Variants in OSBPL8 observed in about 807,000 individuals in gnomAD.
OSBPL8 encodes the protein oxysterol binding protein like 8.
In OSBPL8, 59 loss-of-function variants were observed where a neutral mutation model predicts 125.5. The observed-to-expected ratio is 0.47, with a 90% confidence interval of 0.38 to 0.58. The LOEUF (loss-of-function observed/expected upper bound fraction) is 0.58, where lower values mean the gene tolerates loss of function less well. Among genes scored for constraint, OSBPL8 ranks in the 20% least tolerant of loss-of-function variants. OSBPL8 has a pLI of 0.00. For missense variants in OSBPL8, 758 were observed against 1,047.8 expected, an observed-to-expected ratio of 0.72 and a Z score of 3.82; for synonymous variants, 330 against 338.9, an observed-to-expected ratio of 0.97 and a Z score of 0.29.
At chr12:76,433,497 G>A (rs1005797223) in intron 4 of OSBPL8, among the ~76,000 whole-genome samples, 1 of 151,674 alleles carries the variant, frequency 6.6e-6, no homozygotes, top group East Asian at 1.9e-4. Flanking sequence ...AACAAAAAGA[G>A]GTGAAAGATT....
At position 76,410,474 on chromosome 12, in the gene OSBPL8, C is replaced by T. The variant is rs946707560; in HGVS notation, c.288+90G>A. On this transcript the variant is annotated intron_variant, in intron 5 of 23. Transcript: ENST00000261183. ...CAGATGTATCAACATAAAAACATCA[C>T]AAAAAAGCTTCATAGGATTTCAGTG... The T allele has an allele frequency of 1.9e-4, 180 of 966,028 alleles. No homozygotes were observed. In the Middle Eastern group the frequency reaches 3.1e-3, roughly 16 times the overall value. 59.8% of individuals were successfully genotyped at this position (966,028 alleles called of 1,614,324 possible).
intron 15 of OSBPL8, among the ~76,000 whole-genome samples, chr12:76,379,889 TG>T (rs2136236752): frequency 6.6e-6 from 1 of 152,334 alleles, no homozygotes; most frequent in Admixed American, 6.5e-5. Flanking sequence ...GTGGAATTTC[TG>T]AGTTCATGGT....
chr12:76,484,975 C>T (rs1291327644), intron 2 of OSBPL8, among the ~76,000 whole-genome samples: 1 of 152,024 alleles, frequency 6.6e-6, no homozygotes, highest in African/African-American at 2.4e-5. Context: ...GGCTAGAGTG[C>T]AGTGGCGCGA....
intron 1 of OSBPL8, among the ~76,000 whole-genome samples, chr12:76,501,646 G>C (rs1351314875): frequency 6.6e-6 from 1 of 152,224 alleles, no homozygotes; most frequent in Non-Finnish European, 1.5e-5. Context: ...CATGGTGACA[G>C]GGATGGAGGT....
intron 4 of OSBPL8, among the ~76,000 whole-genome samples, chr12:76,432,857 T>C (rs573798321): frequency 4.1e-4 from 62 of 152,286 alleles, no homozygotes; most frequent in African/African-American, 1.2e-3. Context: ...TGATGTATAC[T>C]TAATAAAATA....
chr12:76,538,570 C>T (rs1950559012), intron 1 of OSBPL8, among the ~76,000 whole-genome samples: 1 of 152,004 alleles, frequency 6.6e-6, no homozygotes, highest in African/African-American at 2.4e-5. Context: ...GAGAGCAAGC[C>T]CTTTAAGTAT....
intron 2 of OSBPL8, among the ~76,000 whole-genome samples, chr12:76,479,501 G>A (rs1011794118): frequency 5.3e-5 from 8 of 151,954 alleles, no homozygotes; most frequent in African/African-American, 9.7e-5. Flanking sequence ...TACCACTATC[G>A]AAATAACAGA....
chr12:76,381,442 G>T lies in OSBPL8; in HGVS notation c.1630+2812C>A, dbSNP rs145780669. 1.1e-4 allele frequency among the ~76,000 whole-genome samples: 16 copies of T among 152,126 alleles called. No individual in the cohort carries two copies. In the East Asian group the frequency reaches 3.1e-3, roughly 29 times the overall value. On this transcript the variant is annotated intron_variant, in intron 15 of 23. Coordinates refer to ENST00000261183, the MANE Select transcript of OSBPL8 (RefSeq NM_020841.5). ...ATTACAATTTTACACCACTTCTTGG[G>T]TCAGCTGTGGTAATTTGTGTCTCTT...
Position 76,367,229 on chromosome 12 carries a change from G to GGTGTGTGTGT in OSBPL8, c.2328+1975_2328+1984dup, listed in dbSNP as rs71311108. Among the ~76,000 whole-genome samples, 1,261 of 147,244 alleles carry GGTGTGTGTGT rather than the reference G, an allele frequency of 8.6e-3. 11 individuals are homozygous for GGTGTGTGTGT. The highest frequency in any genetic ancestry group is 0.018 in the Middle Eastern group (5 of 284). On this transcript the variant is annotated intron_variant, in intron 21 of 23. Coordinates refer to ENST00000261183, the MANE Select transcript of OSBPL8 (RefSeq NM_020841.5). The stretch of plus-strand genomic sequence containing the variant: ...TGTATATTTTGGGGCTTTGTTGATT[G>GGTGTGTGTGT]GTGTGTGTGTGTGTGTGTGTGTGTG...
chr12:76,415,930 T>C (rs1868600728), intron 4 of OSBPL8, among the ~76,000 whole-genome samples: 2 of 152,118 alleles, frequency 1.3e-5, no homozygotes, highest in African/African-American at 4.8e-5. Flanking sequence ...TTCTTAGTCT[T>C]ACATTTATTA....
chr12:76,457,410 T>C (rs913292198), intron 3 of OSBPL8, among the ~76,000 whole-genome samples: 4 of 152,250 alleles, frequency 2.6e-5, no homozygotes, highest in Non-Finnish European at 4.4e-5. Flanking sequence ...AACTAGTACC[T>C]ACATATATTT....
intron 2 of OSBPL8, among the ~76,000 whole-genome samples, chr12:76,477,219 T>C (rs1174800422): frequency 1.3e-5 from 2 of 152,218 alleles, no homozygotes; most frequent in African/African-American, 2.4e-5. Context: ...CGAGTTTCCT[T>C]TATACTCTTA....
chr12:76,548,037 A>C (rs1469358073), intron 1 of OSBPL8, among the ~76,000 whole-genome samples: 3 of 152,190 alleles, frequency 2.0e-5, no homozygotes, highest in Non-Finnish European at 2.9e-5. Flanking sequence ...AATCTGCATT[A>C]ACAAAAAAAT....
At chr12:76,539,490 A>G (rs1476172148) in intron 1 of OSBPL8, among the ~76,000 whole-genome samples, 1 of 152,196 alleles carries the variant, frequency 6.6e-6, no homozygotes, top group Non-Finnish European at 1.5e-5. Flanking sequence ...AAAAGGAAAT[A>G]CAAATGAAAA....
intron 1 of OSBPL8, among the ~76,000 whole-genome samples, chr12:76,555,375 A>AT (rs150122855): frequency 0.046 from 7,032 of 152,176 alleles, 573 homozygotes; most frequent in African/African-American, 0.16. Flanking sequence ...ATTAGGCCTC[A>AT]TTTCTACCAG....
At chr12:76,549,132 G>A (rs1209539933) in intron 1 of OSBPL8, among the ~76,000 whole-genome samples, 1 of 151,970 alleles carries the variant, frequency 6.6e-6, no homozygotes, top group Non-Finnish European at 1.5e-5. Context: ...TAAAAGATGA[G>A]AGAAGGAAGA....
At chr12:76,543,675 C>T (rs1180222534) in intron 1 of OSBPL8, among the ~76,000 whole-genome samples, 1 of 152,054 alleles carries the variant, frequency 6.6e-6, no homozygotes, top group African/African-American at 2.4e-5. Flanking sequence ...TCAAAGAGTG[C>T]ACTCCAATGG....
chr12:76,507,801 G>A (rs1358455833), intron 1 of OSBPL8, among the ~76,000 whole-genome samples: 1 of 151,538 alleles, frequency 6.6e-6, no homozygotes, highest in Non-Finnish European at 1.5e-5. Flanking sequence ...TTCAGCCTGG[G>A]CAACAGAGCA....
chr12:76,376,059 G>T (rs1952808446), intron 16 of OSBPL8, among the ~76,000 whole-genome samples: 1 of 152,214 alleles, frequency 6.6e-6, no homozygotes, highest in African/African-American at 2.4e-5. Context: ...TTAACTGGCT[G>T]ATGAAAATGT....
Sources: gnomAD v4.1 joint callset for allele counts (sites outside exome capture counted in the v4.1 genomes callset) on GRCh38, gnomAD v4.1.1 for gene constraint, MANE v1.5 for transcripts, NCBI Gene and HGNC (gene_info 2026-07-23, HGNC 2026-07-21) for gene names.